HCN1: variants seen among roughly 807,000 people sequenced by gnomAD.
HCN1 encodes the protein potassium/sodium hyperpolarization-activated cyclic nucleotide-gated channel 1.
In HCN1, 13 loss-of-function variants were observed where a neutral mutation model predicts 78.9. The observed-to-expected ratio is 0.16, with a 90% CI of 0.11 to 0.26. HCN1 has a LOEUF of 0.26. HCN1 is among the 10% of genes least tolerant of loss of function. HCN1 has a pLI of 1.00. For missense variants in HCN1, 810 were observed against 1,154.3 expected (o/e 0.70, Z 4.32); for synonymous variants, 552 against 455.5 (o/e 1.21, Z -2.70).
chr5:45,413,274 T>C (rs1740058877), intron 3 of HCN1, among the ~76,000 whole-genome samples: 1 of 152,040 alleles, frequency 6.6e-6, no homozygotes, highest in South Asian at 2.1e-4. Flanking sequence ...TCAAAGTAAG[T>C]CAGGAATAAA....
intron 1 of HCN1, among the ~76,000 whole-genome samples, chr5:45,650,590 T>C (rs1745656891): frequency 1.3e-5 from 2 of 152,070 alleles, no homozygotes; most frequent in African/African-American, 2.4e-5. Flanking sequence ...TCACTGGAAA[T>C]ATATAGAATA....
At chr5:45,444,901 G>T (rs535387528) in intron 3 of HCN1, among the ~76,000 whole-genome samples, 27 of 152,116 alleles carry the variant, frequency 1.8e-4, no homozygotes, top group Non-Finnish European at 3.7e-4. Flanking sequence ...ATTAGGGGAG[G>T]AGCCAAGATG....
chr5:45,393,951 A>G (rs373461238), intron 4 of HCN1, among the ~76,000 whole-genome samples: 1 of 152,154 alleles, frequency 6.6e-6, no homozygotes, highest in East Asian at 1.9e-4. Context: ...ATCAGGGGGT[A>G]AGGTGAGATT....
chr5:45,540,084 G>T (rs932681460), intron 2 of HCN1, among the ~76,000 whole-genome samples: 1 of 151,270 alleles, frequency 6.6e-6, no homozygotes, highest in African/African-American at 2.4e-5. Context: ...TTTGCAAATA[G>T]TGCTATTTAT....
At chr5:45,501,595 C>G (rs1742188426) in intron 2 of HCN1, among the ~76,000 whole-genome samples, 1 of 152,060 alleles carries the variant, frequency 6.6e-6, no homozygotes, top group Non-Finnish European at 1.5e-5. Context: ...CACCCGCCAC[C>G]ACGCCCGGTT....
intron 6 of HCN1, among the ~76,000 whole-genome samples, chr5:45,285,945 T>C (rs1389505154): frequency 6.6e-6 from 1 of 151,960 alleles, no homozygotes; most frequent in African/African-American, 2.4e-5. Flanking sequence ...TCTTCTCTGA[T>C]AAACTTTCTT....
At chr5:45,573,710 G>A (rs1012508795) in intron 2 of HCN1, among the ~76,000 whole-genome samples, 1 of 151,912 alleles carries the variant, frequency 6.6e-6, no homozygotes, top group African/African-American at 2.4e-5. Context: ...TGAAAATATT[G>A]AGATGATTGA....
chr5:45,557,194 T>C (rs1445708832), intron 2 of HCN1, among the ~76,000 whole-genome samples: 1 of 151,940 alleles, frequency 6.6e-6, no homozygotes, highest in Non-Finnish European at 1.5e-5. Context: ...TTTGAAAACT[T>C]TTTTTTTAAT....
chr5:45,483,044 A>G (rs1359522923), intron 2 of HCN1, among the ~76,000 whole-genome samples: 1 of 152,160 alleles, frequency 6.6e-6, no homozygotes, highest in African/African-American at 2.4e-5. Flanking sequence ...TGTCTTTGCT[A>G]TTGTAAATAG....
At chr5:45,319,872 T>G (rs1290907603) in intron 5 of HCN1, among the ~76,000 whole-genome samples, 1 of 151,850 alleles carries the variant, frequency 6.6e-6, no homozygotes, top group East Asian at 1.9e-4. Context: ...TAGCAAAACT[T>G]TAAGGTTCCT....
At chr5:45,652,525 A>G (rs1745693889) in intron 1 of HCN1, among the ~76,000 whole-genome samples, 1 of 151,902 alleles carries the variant, frequency 6.6e-6, no homozygotes, top group Admixed American at 6.6e-5. Context: ...AGGTTTAACT[A>G]ATATGTTAAG....
At chr5:45,490,300 A>G (rs1741856425) in intron 2 of HCN1, among the ~76,000 whole-genome samples, 1 of 152,164 alleles carries the variant, frequency 6.6e-6, no homozygotes, top group South Asian at 2.1e-4. Context: ...AGAAACAGAT[A>G]CCAAAGGTCT....
At chr5:45,502,593 G>T (rs1742212449) in intron 2 of HCN1, among the ~76,000 whole-genome samples, 1 of 151,794 alleles carries the variant, frequency 6.6e-6, no homozygotes, top group Admixed American at 6.6e-5. Flanking sequence ...TTAGATAAAT[G>T]ATAACTATAA....
At chr5:45,434,487 A>G (rs969529487) in intron 3 of HCN1, among the ~76,000 whole-genome samples, 2 of 152,244 alleles carry the variant, frequency 1.3e-5, no homozygotes, top group African/African-American at 4.8e-5. Context: ...ACTAAGATAC[A>G]TACTAGAACG....
intron 2 of HCN1, among the ~76,000 whole-genome samples, chr5:45,504,878 G>T (rs1202142606): frequency 6.6e-6 from 1 of 152,086 alleles, no homozygotes; most frequent in Non-Finnish European, 1.5e-5. Context: ...TCATGTGTCT[G>T]TTGGCTGCAT....
rs10074468 is a variant in HCN1, at chr5:45,446,505, G to A, written c.1011+15341C>T. On this transcript the variant is annotated intron_variant, in intron 3 of 7. Coordinates refer to ENST00000303230, the MANE Select transcript of HCN1 (RefSeq NM_021072.4). ...AGAACTTCCCCAATCTAGCAAGGCA[G>A]GCCAACATTCAGATTCAGGAAATAC... 5.3e-3 allele frequency among the ~76,000 whole-genome samples: 810 copies of A among 152,242 alleles called. 7 individuals are homozygous for A. The highest frequency in any genetic ancestry group is 0.018 in the African/African-American group (728 of 41,538).
chr5:45,391,089 T>A (rs553467512), intron 4 of HCN1, among the ~76,000 whole-genome samples: 21 of 152,108 alleles, frequency 1.4e-4, no homozygotes, highest in African/African-American at 4.3e-4. Flanking sequence ...TAATAAAAAA[T>A]TTTTGACTAA....
rs1579803915 is a variant in HCN1, at chr5:45,315,289, T to C, written c.1378-11450A>G. On this transcript the variant is annotated intron_variant, in intron 5 of 7. Coordinates refer to ENST00000303230, the MANE Select transcript of HCN1 (RefSeq NM_021072.4). ...TCAAAACCGCTCAACTACATGGAAA[T>C]GGAACAACCTGCTCCTGAATGACTA... Among the ~76,000 whole-genome samples, 3 of 152,158 alleles carry C rather than the reference T, an allele frequency of 2.0e-5. No individual in the cohort carries two copies. The South Asian group carries it at 6.2e-4, about 32-fold the overall frequency.
intron 3 of HCN1, among the ~76,000 whole-genome samples, chr5:45,440,825 C>T (rs976782717): frequency 6.6e-6 from 1 of 152,164 alleles, no homozygotes; most frequent in African/African-American, 2.4e-5. Flanking sequence ...ACTATCACAA[C>T]ATAGGAAACT....
Sources: allele counts gnomAD v4.1 joint callset (sites outside exome capture counted in the v4.1 genomes callset), GRCh38; gene constraint gnomAD v4.1.1; transcripts MANE v1.5; gene names NCBI Gene and HGNC (gene_info 2026-07-23, HGNC 2026-07-21).